BRAF: variants seen among roughly 807,000 people sequenced by gnomAD.
The protein encoded by BRAF is serine/threonine-protein kinase B-raf.
BRAF carries 16 observed loss-of-function variants against 104.6 expected under a neutral mutation model. That is an observed-to-expected ratio of 0.15 (90% CI 0.10 to 0.23). BRAF has a LOEUF of 0.23. BRAF is among the 10% of genes least tolerant of loss of function. BRAF has a pLI of 1.00. For missense variants in BRAF, 541 were observed against 937.3 expected (o/e 0.58, Z 5.52); for synonymous variants, 310 against 341.6 (o/e 0.91, Z 1.02).
the BRAF span, among the ~76,000 whole-genome samples, chr7:140,713,723 C>T: frequency 1.1e-4 from 17 of 152,178 alleles, no homozygotes; most frequent in South Asian, 1.7e-3. Flanking sequence ...TCTGTTTTTT[C>T]CCCATCTTTG....
chr7:140,884,429 ATGTGTGTGTGTGTGTG>A lies in BRAF; in HGVS notation c.139-34233_139-34218del, dbSNP rs71170770. Among the ~76,000 whole-genome samples the A allele has an allele frequency of 1.6e-3, 209 of 127,526 alleles. 1 individual carries two copies. Among genetic ancestry groups the A allele is most frequent in the Admixed American group, 0.011 (130 of 12,206 alleles). The allele number at this position is 127,526 out of a possible 152,430, so 83.7% of individuals were successfully genotyped here. A position where few individuals can be genotyped will look rare whatever the true frequency, so the allele number is the denominator to read the frequency against. On this transcript the variant is annotated intron_variant, in intron 1 of 19. Coordinates refer to ENST00000644969, the MANE Select transcript of BRAF (RefSeq NM_001374258.1). ...AGGATCTCTTATATATATATAAGATATGTGTGTGTGTGTGTGTGTGTGTGTGTGTGTGTGTGTGTGT... is the reference window on the plus strand; with the variant it reads ...AGGATCTCTTATATATATATAAGATATGTGTGTGTGTGTGTGTGTGTGTGT...
chr7:140,899,385 A>C (rs1161511803), intron 1 of BRAF, among the ~76,000 whole-genome samples: 1 of 152,324 alleles, frequency 6.6e-6, no homozygotes, highest in East Asian at 1.9e-4. Context: ...GCAAACGCCT[A>C]AGAGTGAGTG....
chr7:140,774,119 G>T (rs958985050), intron 14 of BRAF, among the ~76,000 whole-genome samples: 1 of 152,144 alleles, frequency 6.6e-6, no homozygotes, highest in African/African-American at 2.4e-5. Flanking sequence ...AAAGAGAAAA[G>T]AAACTATATC....
At position 140,724,795 on chromosome 7, in the gene BRAF, T is replaced by C. The variant is rs1795510587; in HGVS notation, c.*1699A>G. 2 of 1,035,782 alleles carry C rather than the reference T, an allele frequency of 1.9e-6. No individual in the cohort carries two copies. The highest frequency in any genetic ancestry group is 9.2e-5 in the South Asian group (2 of 21,730). 64.2% of individuals were successfully genotyped at this position (1,035,782 alleles called of 1,614,324 possible). On this transcript the variant is annotated 3_prime_UTR_variant, in exon 20 of 20. Coordinates refer to ENST00000644969, the MANE Select transcript of BRAF (RefSeq NM_001374258.1). ...TGGCTATAGCTTGGTTGGTCTGATT[T>C]GATTTGTGTTCCTAAATTCTGAGTC...
At chr7:140,786,312 T>C (rs1480702353) in intron 9 of BRAF, among the ~76,000 whole-genome samples, 2 of 152,222 alleles carry the variant, frequency 1.3e-5, no homozygotes, top group Non-Finnish European at 2.9e-5. Flanking sequence ...TTTATAACAA[T>C]GTTTACTCAA....
intron 1 of BRAF, among the ~76,000 whole-genome samples, chr7:140,913,144 C>G (rs1382672069): frequency 6.6e-6 from 1 of 152,084 alleles, no homozygotes; most frequent in Non-Finnish European, 1.5e-5. Context: ...CTACCCCCAT[C>G]CCAGCCCTAA....
chr7:140,810,477 C>T (rs920188531), intron 3 of BRAF, among the ~76,000 whole-genome samples: 1 of 151,970 alleles, frequency 6.6e-6, no homozygotes, highest in African/African-American at 2.4e-5. Flanking sequence ...GGCTGAGGCA[C>T]GATAATCACT....
At chr7:140,895,853 G>T (rs757461577) in intron 1 of BRAF, among the ~76,000 whole-genome samples, 5 of 151,838 alleles carry the variant, frequency 3.3e-5, no homozygotes, top group Non-Finnish European at 7.4e-5. Flanking sequence ...CCATATCTTG[G>T]CTACTGTGAA....
intron 10 of BRAF, 154 bp from the exon 10 acceptor site, chr7:140,783,311 T>C (rs1446864502): frequency 2.4e-6 from 2 of 842,116 alleles, no homozygotes; most frequent in Non-Finnish European, 3.6e-6. Context: ...AAAAGGGGCC[T>C]CATTTGGTGA....
intron 2 of BRAF, among the ~76,000 whole-genome samples, chr7:140,836,560 C>T (rs1807362449): frequency 6.6e-6 from 1 of 152,188 alleles, no homozygotes; most frequent in Non-Finnish European, 1.5e-5. Context: ...TCTTTGTTTA[C>T]AGCCTGCTAG....
At chr7:140,766,886 A>G (rs1799381738) in intron 14 of BRAF, among the ~76,000 whole-genome samples, 2 of 151,904 alleles carry the variant, frequency 1.3e-5, no homozygotes, top group Admixed American at 1.3e-4. Flanking sequence ...TGAGACAAGG[A>G]CTCACTCTGT....
At chr7:140,871,895 T>G (rs1322322324) in intron 1 of BRAF, among the ~76,000 whole-genome samples, 1 of 152,110 alleles carries the variant, frequency 6.6e-6, no homozygotes, top group African/African-American at 2.4e-5. Flanking sequence ...ATGGAGGAGC[T>G]GCACTCACTA....
rs1803861039 is a variant in BRAF at position 140,808,282 on chromosome 7, TG to T, written c.609-221del. The T allele has an allele frequency of 6.6e-6, 4 of 603,380 alleles. No individual in the cohort carries two copies. In the East Asian group the frequency reaches 1.4e-4, roughly 21 times the overall value. The allele number at this position is 603,380 out of a possible 1,614,324, so 37.4% of individuals were successfully genotyped here. A position where few individuals can be genotyped will look rare whatever the true frequency, so the allele number is the denominator to read the frequency against. ...TTGGACAAACAGCAGGGTAAAGAGA[TG>T]TACTCTTTTCTTCAAGTCAGCTCCA... On this transcript the variant is annotated intron_variant, in intron 4 of 19. Coordinates refer to ENST00000644969, the MANE Select transcript of BRAF (RefSeq NM_001374258.1).
downstream of BRAF, among the ~76,000 whole-genome samples, chr7:140,716,504 A>C (rs1244196493): frequency 6.6e-6 from 1 of 152,180 alleles, no homozygotes; most frequent in Non-Finnish European, 1.5e-5. Context: ...TTATAGAAAA[A>C]CTTCCAGATA....
intron 1 of BRAF, among the ~76,000 whole-genome samples, chr7:140,881,778 A>G (rs1037955300): frequency 6.6e-6 from 1 of 152,180 alleles, no homozygotes; most frequent in African/African-American, 2.4e-5. Flanking sequence ...TAACTTCAAT[A>G]TTGTTGTGTC....
At chr7:140,739,592 A>G (rs972035480) in intron 18 of BRAF, among the ~76,000 whole-genome samples, 4 of 152,016 alleles carry the variant, frequency 2.6e-5, no homozygotes, top group African/African-American at 9.7e-5. Context: ...GAACTGATGG[A>G]CAAATGCAAA....
At chr7:140,871,597 C>CT (rs1811603151) in intron 1 of BRAF, among the ~76,000 whole-genome samples, 1 of 151,642 alleles carries the variant, frequency 6.6e-6, no homozygotes, top group South Asian at 2.1e-4. Flanking sequence ...CTTTAGACAC[C>CT]TAAAAAAAAC....
intron 1 of BRAF, among the ~76,000 whole-genome samples, chr7:140,898,301 GAGGCCT>G (rs1815191733): frequency 6.6e-6 from 1 of 151,948 alleles, no homozygotes; most frequent in South Asian, 2.1e-4. Context: ...AATAGAGTGG[GAGGCCT>G]GCCTCTTAAA....
rs1166557753 is a variant in BRAF, at chr7:140,724,623, A to G, written c.*1871T>C. ...TTTCAATAGGCTTTCTTCTGAATAC[A>G]TGTATGTTAGCAAAAATCTAATGGT... On this transcript the variant is annotated 3_prime_UTR_variant, in exon 20 of 20. Coordinates refer to ENST00000644969, the MANE Select transcript of BRAF (RefSeq NM_001374258.1). 6 of 1,037,084 alleles carry G rather than the reference A, an allele frequency of 5.8e-6. No homozygotes were observed. Among genetic ancestry groups the G allele is most frequent in the Admixed American group, 5.6e-5 (1 of 17,748 alleles). 64.2% of individuals were successfully genotyped at this position (1,037,084 alleles called of 1,614,324 possible).
Sources: gnomAD v4.1 joint callset for allele counts (sites outside exome capture counted in the v4.1 genomes callset) on GRCh38, gnomAD v4.1.1 for gene constraint, MANE v1.5 for transcripts, NCBI Gene and HGNC (gene_info 2026-07-23, HGNC 2026-07-21) for gene names.